ANKRD18A: variants seen among roughly 807,000 people sequenced by gnomAD.
ANKRD18A encodes the protein ankyrin repeat domain-containing protein 18A.
In ANKRD18A, 72 loss-of-function variants were observed where a neutral mutation model predicts 110.6. The ratio of observed to expected loss-of-function variants is 0.65; its 90% confidence interval spans 0.54 to 0.79. ANKRD18A has a LOEUF of 0.79. ANKRD18A is among the 30% of genes least tolerant of loss of function. The pLI is 0.00. For missense variants in ANKRD18A, 934 were observed against 1,163.3 expected, an observed-to-expected ratio of 0.80 and a Z score of 2.87; for synonymous variants, 305 against 410.3, an observed-to-expected ratio of 0.74 and a Z score of 3.10.
chr9:38,596,769 C>T (rs1028009669), intron 8 of ANKRD18A, among the ~76,000 whole-genome samples: 2 of 152,170 alleles, frequency 1.3e-5, no homozygotes, highest in African/African-American at 4.8e-5. Flanking sequence ...ACTCTGATAT[C>T]TAACCCAGAC....
At chr9:38,582,325 T>A (rs1824200986) in intron 12 of ANKRD18A, among the ~76,000 whole-genome samples, 2 of 152,168 alleles carry the variant, frequency 1.3e-5, no homozygotes, top group African/African-American at 4.8e-5. Flanking sequence ...TGACTTGCCA[T>A]CATGTCTTAG....
At chr9:38,566,763 G>A (rs1443409430), downstream of ANKRD18A, 1 of 152,242 alleles carries the variant, frequency 6.6e-6, no homozygotes, top group Non-Finnish European at 1.5e-5. Context: ...CAAAGAAAGA[G>A]TCAGTTGTCT....
In ANKRD18A at chr9:38,577,199, CTTT is replaced by C. The variant is rs1563955182; in HGVS notation, c.2592_2594del (p.Lys866del). ...CCACATCTTTAAGTGTGAGTTCCTT[CTTT>C]TTTAGTGAAGCCGTATTATCCTTGT... On this transcript the variant is annotated inframe_deletion, in exon 14 of 16. Transcript: ENST00000399703. 1 of 1,547,316 alleles carries C rather than the reference CTTT, an allele frequency of 6.5e-7. No individual in the cohort carries two copies. Among genetic ancestry groups the C allele is most frequent in the Non-Finnish European group, 8.7e-7 (1 of 1,146,142 alleles).
intron 15 of ANKRD18A, chr9:38,572,987 T>C: frequency 1.4e-6 from 1 of 692,396 alleles, no homozygotes; most frequent in Non-Finnish European, 2.2e-6. Flanking sequence ...CTGAATATAG[T>C]ATCTACTAAC....
At chr9:38,607,002 A>G (rs1266742867) in intron 6 of ANKRD18A, among the ~76,000 whole-genome samples, 4 of 152,038 alleles carry the variant, frequency 2.6e-5, no homozygotes, top group Non-Finnish European at 5.9e-5. Flanking sequence ...AAATTAATTT[A>G]TATATAAACA....
intron 15 of ANKRD18A, 152 bp from the exon 16 acceptor site, chr9:38,572,211 T>C (rs1258727952): frequency 1.5e-5 from 8 of 541,594 alleles, no homozygotes; most frequent in Middle Eastern, 4.9e-4. Flanking sequence ...TATTAAATCA[T>C]TTACACATGG....
At chr9:38,592,585 A>C (rs1286270524) in intron 10 of ANKRD18A, among the ~76,000 whole-genome samples, 1 of 152,226 alleles carries the variant, frequency 6.6e-6, no homozygotes, top group Non-Finnish European at 1.5e-5. Context: ...ATAGAGTCCA[A>C]TGGCAGGGAA....
intron 6 of ANKRD18A, chr9:38,604,332 T>A (rs1455747673): frequency 3.3e-5 from 5 of 151,886 alleles, no homozygotes; most frequent in Non-Finnish European, 7.4e-5. Context: ...GTCCCCTGCA[T>A]GCTTCTGAAT....
chr9:38,608,109 T>A (rs1293801045), intron 5 of ANKRD18A, among the ~76,000 whole-genome samples: 1 of 152,240 alleles, frequency 6.6e-6, no homozygotes, highest in Admixed American at 6.5e-5. Context: ...CAGAGCATTT[T>A]AGCTAGTTCA....
At position 38,600,084 on chromosome 9, in the gene ANKRD18A, G is replaced by A. The variant is rs148588391; in HGVS notation, c.936+1047C>T. ...TTAATCTATGTTTTACTACTCCTAA[G>A]TTGCTGGATTATAACTAAGAAGTAA... is the stretch of plus-strand genomic sequence containing the variant. On this transcript the variant is annotated intron_variant, in intron 8 of 15. Transcript: ENST00000399703. Among the ~76,000 whole-genome samples, 58 of 152,252 alleles carry A rather than the reference G, an allele frequency of 3.8e-4. 1 individual carries two copies. The East Asian group carries it at 7.7e-3, about 20-fold the overall frequency.
At chr9:38,608,683 TA>T (rs1420042920) in intron 5 of ANKRD18A, among the ~76,000 whole-genome samples, 1 of 146,406 alleles carries the variant, frequency 6.8e-6, no homozygotes, top group Non-Finnish European at 1.5e-5. Flanking sequence ...AACATAAATA[TA>T]AAAATAATAT....
chr9:38,590,050 A>G (rs1439724850), intron 10 of ANKRD18A, among the ~76,000 whole-genome samples: 2 of 152,098 alleles, frequency 1.3e-5, no homozygotes, highest in African/African-American at 4.8e-5. Context: ...GTTGATTCTT[A>G]TGGATGTTAC....
intron 15 of ANKRD18A, among the ~76,000 whole-genome samples, chr9:38,574,228 A>G (rs995136959): frequency 6.6e-6 from 1 of 152,198 alleles, no homozygotes; most frequent in Non-Finnish European, 1.5e-5. Context: ...TGCAAAGGAC[A>G]TGATTTTATT....
chr9:38,571,917 T>C lies in ANKRD18A; in HGVS notation c.*128A>G, dbSNP rs1320455353. 1 of 1,452,022 alleles carries C rather than the reference T, an allele frequency of 6.9e-7. No individual in the cohort carries two copies. Among genetic ancestry groups the C allele is most frequent in the Non-Finnish European group, 9.1e-7 (1 of 1,096,414 alleles). The allele number at this position is 1,452,022 out of a possible 1,614,324, so 89.9% of individuals were successfully genotyped here. On this transcript the variant is annotated 3_prime_UTR_variant, in exon 16 of 16. Transcript: ENST00000399703. Reference sequence around the variant, plus strand: ...AGAAACAATTAAAATTTCATGTAAATAGCCCAGTAATAAAGTTTTATGATC... The same window carrying C: ...AGAAACAATTAAAATTTCATGTAAACAGCCCAGTAATAAAGTTTTATGATC...
chr9:38,596,126 A>G lies in ANKRD18A; in HGVS notation c.1214T>C (p.Leu405Ser). The change falls in exon 9 of 16, where the codon TTG becomes TCG. Residue 405 changes from leucine (L) to serine (S), a missense_variant. Leu to Ser is a moderately radical substitution (Grantham distance 145, BLOSUM62 -2). Around this residue, in one of 4 missense-constraint regions of ANKRD18A, gnomAD observed 630 missense variants for 797.5 expected, o/e 0.79. Transcript: ENST00000399703. The part of the protein sequence containing the change: ...KAENARLNSE[L>S]EKEKHNKERL... ...TTCTTTGTTGTGTTTTTCCTTCTCC[A>G]ATTCTGAATTCAGCCTTGCATTCTC... is the stretch of plus-strand genomic sequence containing the variant. The G allele has an allele frequency of 1.9e-6, 3 of 1,550,940 alleles. No homozygotes were observed. Among genetic ancestry groups the G allele is most frequent in the South Asian group, 1.2e-5 (1 of 83,878 alleles).
chr9:38,587,782 T>C (rs1824449068), intron 11 of ANKRD18A, among the ~76,000 whole-genome samples: 2 of 152,148 alleles, frequency 1.3e-5, no homozygotes, highest in South Asian at 4.1e-4. Flanking sequence ...GTCCAAAGCA[T>C]TGTCATTATT....
intron 14 of ANKRD18A, among the ~76,000 whole-genome samples, 160 bp from the exon 15 acceptor site, chr9:38,575,858 C>T (rs1477564180): frequency 2.6e-5 from 4 of 152,130 alleles, no homozygotes; most frequent in African/African-American, 7.2e-5. Context: ...TTGTAAGTAA[C>T]GGTAATTTTA....
downstream of ANKRD18A, chr9:38,566,490 A>G (rs1221585499): frequency 1.3e-5 from 2 of 152,164 alleles, no homozygotes; most frequent in East Asian, 3.9e-4. Context: ...CCATTTAACC[A>G]GTCTCTAAGA....
intron 12 of ANKRD18A, among the ~76,000 whole-genome samples, chr9:38,585,541 C>T (rs1261802208): frequency 6.6e-6 from 1 of 152,128 alleles, no homozygotes; most frequent in African/African-American, 2.4e-5. Flanking sequence ...AATCCAGGGC[C>T]ACAGTCACCA....
Sources: allele counts gnomAD v4.1 joint callset (sites outside exome capture counted in the v4.1 genomes callset), GRCh38; gene constraint gnomAD v4.1.1; regional missense constraint gnomAD v4.1.1; transcripts MANE v1.5; gene names NCBI Gene and HGNC (gene_info 2026-07-23, HGNC 2026-07-21).